Variants in FRMPD1 observed in about 807,000 individuals in gnomAD.
The protein encoded by FRMPD1 is FERM and PDZ domain-containing protein 1.
FRMPD1 carries 76 observed loss-of-function variants against 117.8 expected under a neutral mutation model. The observed-to-expected ratio is 0.65, with a 90% CI of 0.54 to 0.78. FRMPD1 has a LOEUF of 0.78. Ranked by LOEUF, FRMPD1 falls within the 30% of genes least tolerant of loss-of-function variation. FRMPD1 has a pLI of 0.00. For synonymous variants in FRMPD1, 783 were observed against 770.4 expected (o/e 1.02, Z -0.27); for missense variants, 1,786 against 1,964.5 (o/e 0.91, Z 1.72).
At chr9:37,640,624 CA>C in the FRMPD1 span, among the ~76,000 whole-genome samples, 1 of 152,082 alleles carries the variant, frequency 6.6e-6, no homozygotes, top group Admixed American at 6.5e-5. Flanking sequence ...AATGATGCAC[CA>C]GACATTACTT....
chr9:37,740,447 ACT>A lies in FRMPD1; in HGVS notation c.1922_1923del (p.Ser641Ter). The A allele has an allele frequency of 6.2e-7, 1 of 1,614,058 alleles. No homozygotes were observed. Among genetic ancestry groups the A allele is most frequent in the Non-Finnish European group, 8.5e-7 (1 of 1,179,998 alleles). On this transcript the variant is annotated frameshift_variant, in exon 15 of 16. Transcript: ENST00000377765. LOFTEE classifies it high-confidence loss of function. This position sits in a 1 kb window ranked among gnomAD's most constrained non-coding sequence, Gnocchi z 4.2. ...TCGCCAGGCCTCGCAGAGAGCATTG[ACT>A]CTGACAGCCAGGAGGAGAGAAGCGG...
intron 1 of FRMPD1, among the ~76,000 whole-genome samples, chr9:37,674,853 T>C (rs1299303347): frequency 6.6e-6 from 1 of 152,090 alleles, no homozygotes. Context: ...CCAGAACATG[T>C]GGGAATTCTG....
intron 1 of FRMPD1, among the ~76,000 whole-genome samples, chr9:37,672,761 G>A (rs1821397463): frequency 6.6e-6 from 1 of 152,148 alleles, no homozygotes; most frequent in Non-Finnish European, 1.5e-5. Context: ...CAGAATCATG[G>A]CAGGAGGCAA....
the FRMPD1 span, among the ~76,000 whole-genome samples, chr9:37,630,818 G>T: frequency 2.0e-5 from 3 of 152,290 alleles, no homozygotes; most frequent in Non-Finnish European, 4.4e-5. Flanking sequence ...TCTTTGTGGA[G>T]CTCCCATGAT....
At chr9:37,609,586 A>G in the FRMPD1 span, among the ~76,000 whole-genome samples, 1 of 152,196 alleles carries the variant, frequency 6.6e-6, no homozygotes, top group Non-Finnish European at 1.5e-5. Flanking sequence ...TCCCTGCTTC[A>G]AACCACCATC....
chr9:37,708,511 G>T lies in FRMPD1; in HGVS notation c.362+10G>T, dbSNP rs1343738354. The stretch of plus-strand genomic sequence containing the variant: ...CAGTCGATATTCTCAGGTACTAAAT[G>T]GTCTTCCATCATCTACAGAATTGCA... On this transcript the variant is annotated intron_variant, in intron 4 of 15. Transcript: ENST00000377765. 1.4e-6 allele frequency: 2 copies of T among 1,462,540 alleles called. No individual in the cohort carries two copies. The highest frequency in any genetic ancestry group is 2.3e-5 in the East Asian group (1 of 44,204). 90.6% of individuals were successfully genotyped at this position (1,462,540 alleles called of 1,614,324 possible).
In FRMPD1 at chr9:37,740,592, A is replaced by G; in HGVS notation, c.2064A>G (p.Glu688=). ...TGGAGACATTTGGCTGGGCACCAGA[A>G]CTGAGCACAGTCAGGCTGGACCCCA... ...AALETFGWAP[E]LSTVRLDPRL... is the part of the protein sequence containing the mutation. The change falls in exon 15 of 16, where the codon GAA becomes GAG. Residue 688 remains glutamate, a synonymous_variant. Coordinates refer to ENST00000377765, the MANE Select transcript of FRMPD1 (RefSeq NM_014907.3). The surrounding 1 kb of genome is among the most constrained non-coding windows in gnomAD (Gnocchi z 4.2). 1 of 1,614,206 alleles carries G rather than the reference A, an allele frequency of 6.2e-7. No homozygotes were observed. The highest frequency in any genetic ancestry group is 8.5e-7 in the Non-Finnish European group (1 of 1,180,038).
intron 1 of FRMPD1, among the ~76,000 whole-genome samples, chr9:37,677,680 A>G (rs2117893770): frequency 6.6e-6 from 1 of 152,296 alleles, no homozygotes; most frequent in South Asian, 2.1e-4. Flanking sequence ...GTCACTGGGG[A>G]AGAACTGTGA....
At chr9:37,741,344 C>A (rs1273887959) in intron 15 of FRMPD1, among the ~76,000 whole-genome samples, 1 of 151,658 alleles carries the variant, frequency 6.6e-6, no homozygotes, top group Non-Finnish European at 1.5e-5. Context: ...GGGACCCTGA[C>A]ATCAGAAGGT....
chr9:37,740,849 C>T lies in FRMPD1; in HGVS notation c.2321C>T (p.Ala774Val), dbSNP rs531669549. The change falls in exon 15 of 16, where the codon GCG becomes GTG. Residue 774 changes from alanine to valine, a missense_variant. Physicochemically the swap from Ala to Val is moderately conservative, Grantham distance 64. Coordinates refer to ENST00000377765, the MANE Select transcript of FRMPD1 (RefSeq NM_014907.3). This position sits in a 1 kb window ranked among gnomAD's most constrained non-coding sequence, Gnocchi z 4.2. ...DGSSDEEYYD[A>V]ADKLTPPGPP... ...AGCTCAGATGAGGAATACTATGACG[C>T]GGCTGATAAGCTCACTCCCCCAGGC... The T allele has an allele frequency of 2.2e-5, 35 of 1,614,078 alleles. No individual in the cohort carries two copies. The highest frequency in any genetic ancestry group is 6.7e-5 in the African/African-American group (5 of 75,056).
intron 1 of FRMPD1, among the ~76,000 whole-genome samples, chr9:37,685,736 G>A (rs2117973737): frequency 6.6e-6 from 1 of 151,980 alleles, no homozygotes; most frequent in South Asian, 2.1e-4. Flanking sequence ...CCTATTATTT[G>A]TGAGTTGAAA....
intron 2 of FRMPD1, among the ~76,000 whole-genome samples, chr9:37,695,957 GA>G (rs2118058621): frequency 6.6e-6 from 1 of 150,868 alleles, no homozygotes; most frequent in East Asian, 1.9e-4. Context: ...ATTTTGCCAT[GA>G]CCTACAAGTC....
upstream of FRMPD1, among the ~76,000 whole-genome samples, chr9:37,650,849 C>T (rs902854507): frequency 6.8e-6 from 1 of 148,036 alleles, no homozygotes; most frequent in Non-Finnish European, 1.5e-5. Context: ...GTCGCGGCGC[C>T]GGCAGCTGGC....
chr9:37,709,795 T>C (rs1822842965), intron 4 of FRMPD1, among the ~76,000 whole-genome samples: 1 of 152,132 alleles, frequency 6.6e-6, no homozygotes, highest in South Asian at 2.1e-4. Flanking sequence ...GCAGTTCAGT[T>C]TGCCTGCAGA....
At chr9:37,615,891 C>T in the FRMPD1 span, among the ~76,000 whole-genome samples, 3 of 151,892 alleles carry the variant, frequency 2.0e-5, no homozygotes, top group Non-Finnish European at 4.4e-5. Flanking sequence ...CAGCTCACTG[C>T]AACCTCCGTC....
At chr9:37,637,974 T>TGC in the FRMPD1 span, among the ~76,000 whole-genome samples, 1 of 101,840 alleles carries the variant, frequency 9.8e-6, no homozygotes, top group African/African-American at 3.7e-5. Flanking sequence ...CTTTCTTTCT[T>TGC]TCTTTCTTTC....
At position 37,745,422 on chromosome 9, in the gene FRMPD1, G is replaced by A. The variant is rs1227708596; in HGVS notation, c.3390G>A (p.Arg1130=). 3 of 1,614,014 alleles carry A rather than the reference G, an allele frequency of 1.9e-6. No homozygotes were observed. Among genetic ancestry groups the A allele is most frequent in the Non-Finnish European group, 2.5e-6 (3 of 1,179,850 alleles). ...CCAACGTATTTCAGGAGGAGTCTAG[G>A]AAGGATTCAGGTGACTCCCCGGGTG... The part of the protein sequence containing the change: ...NGTNVFQEES[R]KDSGDSPGDV... Residue 1130 remains arginine (R), a synonymous_variant, in exon 16 of 16, where the codon AGG becomes AGA. Coordinates refer to ENST00000377765, the MANE Select transcript of FRMPD1 (RefSeq NM_014907.3).
rs145368198 is a variant in FRMPD1 at position 37,653,074 on chromosome 9, C to T, written c.-5+1980C>T. ...ATGAGAGCAGTGAGCCTGGTGGAAG[C>T]ACAGAGAAGGCAGAGCACTTCAGAG... is the stretch of plus-strand genomic sequence containing the variant. On this transcript the variant is annotated intron_variant, in intron 1 of 15. Transcript: ENST00000377765. Among the ~76,000 whole-genome samples the T allele has an allele frequency of 5.9e-5, 9 of 152,272 alleles. No individual in the cohort carries two copies. The East Asian group carries it at 1.5e-3, about 26-fold the overall frequency.
At chr9:37,644,854 G>T in the FRMPD1 span, among the ~76,000 whole-genome samples, 3 of 152,164 alleles carry the variant, frequency 2.0e-5, no homozygotes, top group African/African-American at 4.8e-5. Flanking sequence ...AAACTGAAAA[G>T]TCTATGCAAA....
Sources: gnomAD v4.1 joint callset for allele counts (sites outside exome capture counted in the v4.1 genomes callset) on GRCh38, gnomAD v4.1.1 for gene constraint, Gnocchi (gnomAD v3.1) non-coding constraint, MANE v1.5 for transcripts, NCBI Gene and HGNC (gene_info 2026-07-23, HGNC 2026-07-21) for gene names.